The following EXOC2 variants were observed in gnomAD, a reference collection of about 807,000 sequenced individuals.
EXOC2 encodes SEC5-like 1.
Under a neutral mutation model 131.8 loss-of-function variants are expected in EXOC2, and 70 were observed. The ratio of observed to expected loss-of-function variants is 0.53; its 90% CI spans 0.44 to 0.65. The LOEUF (loss-of-function observed/expected upper bound fraction) is 0.65. Ranked by LOEUF, EXOC2 falls within the 30% of genes least tolerant of loss-of-function variation. The probability of loss-of-function intolerance (pLI) is 0.00; values close to 1 mark genes in which losing one functional copy is unlikely to be tolerated. For synonymous variants in EXOC2, 411 were observed against 398.4 expected (o/e 1.03, Z -0.38); for missense variants, 923 against 1,108.6 (o/e 0.83, Z 2.38).
intron 1 of EXOC2, among the ~76,000 whole-genome samples, chr6:674,371 A>G (rs1236152093): frequency 2.0e-5 from 3 of 152,184 alleles, no homozygotes; most frequent in Admixed American, 2.0e-4. Flanking sequence ...TCTTTCAGCT[A>G]GCTAGCATTT....
At chr6:497,223 G>T in intron 25 of EXOC2, 144 bp downstream of exon 25, 1 of 681,140 alleles carries the variant, frequency 1.5e-6, no homozygotes. Context: ...CATGGGTATG[G>T]CTTATGCAAG....
chr6:692,389 G>A (rs1231370418), intron 1 of EXOC2, among the ~76,000 whole-genome samples: 2 of 152,354 alleles, frequency 1.3e-5, no homozygotes, highest in South Asian at 2.1e-4. Context: ...GCTGGTGTGC[G>A]GACCTGGAGC....
chr6:493,149 C>T (rs1165800570), intron 25 of EXOC2, among the ~76,000 whole-genome samples: 1 of 152,146 alleles, frequency 6.6e-6, no homozygotes, highest in Non-Finnish European at 1.5e-5. Flanking sequence ...AAGACACAGC[C>T]AGCTCTTCAC....
At chr6:500,410 G>A (rs891716460) in intron 23 of EXOC2, among the ~76,000 whole-genome samples, 4 of 152,190 alleles carry the variant, frequency 2.6e-5, no homozygotes, top group African/African-American at 9.7e-5. Flanking sequence ...TGGGGTCTGA[G>A]GTCTGACTAT....
intron 7 of EXOC2, among the ~76,000 whole-genome samples, chr6:600,124 C>T (rs977898897): frequency 4.6e-5 from 7 of 152,086 alleles, no homozygotes; most frequent in Non-Finnish European, 7.4e-5. Flanking sequence ...CTGGGTGGCT[C>T]GCATGCAATA....
chr6:557,717 G>A (rs371182545), intron 17 of EXOC2, among the ~76,000 whole-genome samples: 57 of 152,104 alleles, frequency 3.7e-4, no homozygotes, highest in African/African-American at 1.3e-3. Flanking sequence ...CCAAGACTGT[G>A]AGAACATTGA....
rs2493028 is a variant in EXOC2 at position 521,074 on chromosome 6, A to G, written c.2380+11395T>C. 1.4e-3 allele frequency among the ~76,000 whole-genome samples: 12 copies of G among 8,694 alleles called. 1 individual carries two copies. The highest frequency in any genetic ancestry group is 3.5e-3 in the East Asian group (1 of 284). 5.7% of individuals were successfully genotyped at this position (8,694 alleles called of 152,430 possible). ...TCCACACTCGGAGAGGAAAACCACC[A>G]CCCACCGAGCGCCGACACTCGCCGT... is the stretch of plus-strand genomic sequence containing the variant. On this transcript the variant is annotated intron_variant, in intron 23 of 27. Transcript: ENST00000230449.
chr6:547,476 A>C (rs1321891327), intron 22 of EXOC2, among the ~76,000 whole-genome samples: 2 of 152,224 alleles, frequency 1.3e-5, no homozygotes, highest in Admixed American at 1.3e-4. Flanking sequence ...TAAGCCATCC[A>C]CTGTGACCTG....
At chr6:510,998 A>G (rs529178389) in intron 23 of EXOC2, among the ~76,000 whole-genome samples, 1 of 152,256 alleles carries the variant, frequency 6.6e-6, no homozygotes, top group Non-Finnish European at 1.5e-5. Context: ...CACAATTTCA[A>G]GAAGGTGTTT....
At chr6:668,172 T>C (rs1294756571) in intron 1 of EXOC2, among the ~76,000 whole-genome samples, 1 of 152,220 alleles carries the variant, frequency 6.6e-6, no homozygotes, top group East Asian at 1.9e-4. Context: ...TTCTCTGGGC[T>C]CCCAGGATCT....
chr6:556,414 C>T (rs1757422739), intron 18 of EXOC2, 70 bp downstream of exon 18: 1 of 1,515,688 alleles, frequency 6.6e-7, no homozygotes, highest in Admixed American at 1.8e-5. Flanking sequence ...TACGATGAGT[C>T]AAAAATTTAC....
chr6:522,594 T>C (rs565370914), intron 23 of EXOC2, among the ~76,000 whole-genome samples: 7 of 137,958 alleles, frequency 5.1e-5, no homozygotes, highest in African/African-American at 1.4e-4. Context: ...GTGGGAAGCA[T>C]TGAACTGGGC....
intron 1 of EXOC2, among the ~76,000 whole-genome samples, chr6:672,479 G>A (rs921855493): frequency 3.2e-4 from 49 of 152,126 alleles, no homozygotes; most frequent in South Asian, 2.1e-4. Context: ...CATTTCTGCC[G>A]TGTAATTTTT....
chr6:664,818 CCT>C (rs1763567870), intron 1 of EXOC2, among the ~76,000 whole-genome samples: 1 of 152,134 alleles, frequency 6.6e-6, no homozygotes, highest in Non-Finnish European at 1.5e-5. Flanking sequence ...AAACCTAAGA[CCT>C]GAAACTATAA....
chr6:655,788 C>T (rs944950067), intron 1 of EXOC2, among the ~76,000 whole-genome samples: 2 of 152,052 alleles, frequency 1.3e-5, no homozygotes, highest in Admixed American at 1.3e-4. Context: ...TAATAAAATA[C>T]TGATGCAATT....
intron 1 of EXOC2, among the ~76,000 whole-genome samples, chr6:664,818 CCTGAAACTATAAAAATT>C (rs1268300447): frequency 6.6e-6 from 1 of 152,134 alleles, no homozygotes; most frequent in Admixed American, 6.6e-5. Context: ...AAACCTAAGA[CCTGAAACTATAAAAATT>C]CTAGAAGATA....
At chr6:624,593 T>A (rs142698959) in intron 4 of EXOC2, among the ~76,000 whole-genome samples, 1 of 152,260 alleles carries the variant, frequency 6.6e-6, no homozygotes, top group African/African-American at 2.4e-5. Context: ...CTCTGAGAGG[T>A]TATATGTAAA....
At chr6:495,166 T>C (rs918813377) in intron 25 of EXOC2, among the ~76,000 whole-genome samples, 4 of 142,942 alleles carry the variant, frequency 2.8e-5, no homozygotes, top group Non-Finnish European at 4.5e-5. Flanking sequence ...CGCTCTTTCG[T>C]CCAGGCCAGA....
intron 1 of EXOC2, among the ~76,000 whole-genome samples, chr6:649,527 CAT>C (rs1308741642): frequency 1.3e-5 from 2 of 151,706 alleles, no homozygotes; most frequent in Non-Finnish European, 2.9e-5. Flanking sequence ...AAAAAAAAAT[CAT>C]AATTCTGATG....
Sources: gnomAD v4.1 joint callset for allele counts (sites outside exome capture counted in the v4.1 genomes callset) on GRCh38, gnomAD v4.1.1 for gene constraint, MANE v1.5 for transcripts, NCBI Gene and HGNC (gene_info 2026-07-23, HGNC 2026-07-21) for gene names.